The following TRMT11 variants were observed in gnomAD, a reference collection of about 807,000 sequenced individuals.
TRMT11 encodes tRNA methyltransferase 11.
A neutral mutation model predicts 62.8 loss-of-function variants in TRMT11; 53 were observed. The ratio of observed to expected loss-of-function variants is 0.84; its 90% CI spans 0.68 to 1.06. The LOEUF is 1.06. Ranked by LOEUF, TRMT11 falls within the 50% of genes least tolerant of loss-of-function variation. The probability of loss-of-function intolerance (pLI) is 0.00; values close to 1 mark genes in which losing one functional copy is unlikely to be tolerated. For synonymous variants in TRMT11, 188 were observed against 190.3 expected (o/e 0.99, Z 0.10); for missense variants, 556 against 553.4 (o/e 1.00, Z -0.05).
At chr6:126,124,624 T>C (rs1777693431) in intron 21 of TRMT11, among the ~76,000 whole-genome samples, 1 of 152,084 alleles carries the variant, frequency 6.6e-6, no homozygotes. Context: ...CTCTCAGGCC[T>C]GTCACTGGCA....
intron 1 of TRMT11, among the ~76,000 whole-genome samples, chr6:126,190,009 A>G (rs1331789837): frequency 1.3e-5 from 2 of 152,126 alleles, no homozygotes; most frequent in Non-Finnish European, 2.9e-5. Context: ...AATCTGGGTA[A>G]TTGAGATATA....
At chr6:126,037,214 A>C (rs1775357708) in intron 12 of TRMT11, among the ~76,000 whole-genome samples, 1 of 152,026 alleles carries the variant, frequency 6.6e-6, no homozygotes, top group South Asian at 2.1e-4. Flanking sequence ...TTCAAAGCCT[A>C]GCTCTGCCAC....
At position 126,058,268 on chromosome 6, in the gene TRMT11, C is replaced by T. The variant is rs545008878; in HGVS notation, c.*1437+5078C>T. On this transcript the variant is annotated intron_variant and NMD_transcript_variant, in intron 17 of 22. Coordinates refer to the TRMT11 transcript ENST00000648977. ...ATGATTTCCAGCTTCATCCATGTCC[C>T]TGCAAAGGACATGAACTCCTCCTTT... is the stretch of plus-strand genomic sequence containing the variant. Among the ~76,000 whole-genome samples the T allele has an allele frequency of 2.1e-3, 325 of 152,282 alleles. 2 individuals are homozygous for T. The highest frequency in any genetic ancestry group is 2.6e-3 in the Non-Finnish European group (180 of 68,006).
At chr6:126,170,354 G>GT (rs1358796155) in intron 21 of TRMT11, among the ~76,000 whole-genome samples, 1 of 152,094 alleles carries the variant, frequency 6.6e-6, no homozygotes, top group Non-Finnish European at 1.5e-5. Flanking sequence ...TACACTATGA[G>GT]TTTTTTATAC....
intron 17 of TRMT11, among the ~76,000 whole-genome samples, chr6:126,101,593 A>G (rs1777403052): frequency 6.6e-6 from 1 of 152,200 alleles, no homozygotes; most frequent in Non-Finnish European, 1.5e-5. Context: ...TCTTAAAATA[A>G]ATCAACTCAG....
chr6:126,062,876 C>G (rs1448955373), intron 17 of TRMT11, among the ~76,000 whole-genome samples: 1 of 152,126 alleles, frequency 6.6e-6, no homozygotes, highest in African/African-American at 2.4e-5. Context: ...TCAAGAACAA[C>G]TAACATATAG....
Position 126,002,267 on chromosome 6 carries a change from A to G in TRMT11, c.679+2654A>G, listed in dbSNP as rs1322654419. 5.3e-5 allele frequency among the ~76,000 whole-genome samples: 8 copies of G among 152,334 alleles called. No individual in the cohort carries two copies. In the East Asian group the frequency reaches 1.5e-3, roughly 29 times the overall value. ...TTATATACTGTGCGTATGCACATACACATGCATATACGTATTTTAGACACT... is the reference window on the plus strand; with the variant it reads ...TTATATACTGTGCGTATGCACATACGCATGCATATACGTATTTTAGACACT... On this transcript the variant is annotated intron_variant, in intron 7 of 12. Transcript: ENST00000334379.
chr6:126,257,764 AC>A, the TRMT11 span, among the ~76,000 whole-genome samples: 1 of 152,188 alleles, frequency 6.6e-6, no homozygotes, highest in African/African-American at 2.4e-5. Context: ...CGGTTTAATA[AC>A]AATGAAGAAC....
At chr6:126,227,354 T>A in the TRMT11 span, among the ~76,000 whole-genome samples, 1 of 152,146 alleles carries the variant, frequency 6.6e-6, no homozygotes, top group Non-Finnish European at 1.5e-5. Flanking sequence ...TGTCAATACC[T>A]TGGTATTCCA....
chr6:126,011,417 C>G lies in TRMT11; in HGVS notation c.925C>G (p.Pro309Ala). ...ATATTTTGATGCAATCATTACTGAT[C>G]GTAAGTTTATTTTTATACAAAAGTA... ...GTYFDAIITD[P>A]PYGIRESTRR... Residue 309 changes from proline to alanine, a missense_variant and splice_region_variant, in exon 9 of 13, where the codon CCT becomes GCT. Pro to Ala is a conservative substitution (Grantham distance 27). Transcript: ENST00000334379. 6.2e-7 allele frequency: 1 copy of G among 1,606,772 alleles called. No individual in the cohort carries two copies. The highest frequency in any genetic ancestry group is 1.3e-5 in the African/African-American group (1 of 74,776).
downstream of TRMT11, among the ~76,000 whole-genome samples, chr6:126,205,489 G>C (rs188241635): frequency 6.6e-6 from 1 of 152,102 alleles, no homozygotes; most frequent in African/African-American, 2.4e-5. Flanking sequence ...GGGTGACAGA[G>C]TGAGACTCCA....
chr6:126,015,762 C>A (rs1252968539), intron 11 of TRMT11, among the ~76,000 whole-genome samples: 1 of 152,082 alleles, frequency 6.6e-6, no homozygotes, highest in Non-Finnish European at 1.5e-5. Flanking sequence ...TTTTGGTCTT[C>A]TGTGGTCTGG....
At chr6:126,028,213 A>C (rs1458708260) in intron 12 of TRMT11, among the ~76,000 whole-genome samples, 1 of 152,106 alleles carries the variant, frequency 6.6e-6, no homozygotes, top group Non-Finnish European at 1.5e-5. Flanking sequence ...TTTTGATTAG[A>C]GGTATAAAAG....
the TRMT11 span, among the ~76,000 whole-genome samples, chr6:126,232,611 C>T: frequency 2.6e-5 from 4 of 152,102 alleles, no homozygotes; most frequent in Non-Finnish European, 4.4e-5. Flanking sequence ...TCAGGAGGGA[C>T]GAACCTATAT....
chr6:126,101,050 G>T (rs946260468), intron 17 of TRMT11, among the ~76,000 whole-genome samples: 1 of 152,114 alleles, frequency 6.6e-6, no homozygotes, highest in African/African-American at 2.4e-5. Context: ...CATTACTCAG[G>T]GGTAATGTGA....
the TRMT11 span, chr6:126,257,828 A>G: frequency 1.1e-6 from 1 of 932,076 alleles, no homozygotes; most frequent in Non-Finnish European, 1.7e-6. Context: ...CATGGCACTG[A>G]GCCTGGCCAC....
intron 17 of TRMT11, among the ~76,000 whole-genome samples, chr6:126,077,111 A>G (rs1276076550): frequency 2.0e-5 from 3 of 152,218 alleles, no homozygotes; most frequent in African/African-American, 7.2e-5. Context: ...ACTTCACAAG[A>G]AAAGTCTGAA....
At chr6:126,216,604 G>T in the TRMT11 span, among the ~76,000 whole-genome samples, 1 of 152,112 alleles carries the variant, frequency 6.6e-6, no homozygotes, top group Admixed American at 6.5e-5. Flanking sequence ...AAAGTCTGCT[G>T]CCAGACATAT....
At position 126,038,987 on chromosome 6, in the gene TRMT11, G is replaced by A. The variant is rs1392259643; in HGVS notation, c.*151G>A. ...AAGTAAATTGAGCAATGCTTTTAAA[G>A]TTATCTTTGTTTTATAGACTTTTTT... is the stretch of plus-strand genomic sequence containing the variant. On this transcript the variant is annotated 3_prime_UTR_variant, in exon 13 of 13. Transcript: ENST00000334379. 1.6e-6 allele frequency: 1 copy of A among 618,236 alleles called. No individual in the cohort carries two copies. The highest frequency in any genetic ancestry group is 3.2e-5 in the East Asian group (1 of 31,728). 38.3% of individuals were successfully genotyped at this position (618,236 alleles called of 1,614,324 possible). A position where few individuals can be genotyped will look rare whatever the true frequency, so the allele number is the denominator to read the frequency against.
Sources: allele counts gnomAD v4.1 joint callset (sites outside exome capture counted in the v4.1 genomes callset), GRCh38; gene constraint gnomAD v4.1.1; transcripts MANE v1.5; gene names NCBI Gene and HGNC (gene_info 2026-07-23, HGNC 2026-07-21).